Variants in IL3RA observed in about 807,000 individuals in gnomAD.
IL3RA encodes the protein interleukin 3 receptor subunit alpha.
Under a neutral mutation model 52.3 loss-of-function variants are expected in IL3RA, and 73 were observed. The observed-to-expected ratio is 1.40, with a 90% confidence interval of 1.16 to 1.70. The LOEUF is 1.70. IL3RA is among the 40% of genes most tolerant of loss of function. The pLI is 0.00. For synonymous variants in IL3RA, 260 were observed against 194.0 expected, an observed-to-expected ratio of 1.34 and a Z score of -2.83; for missense variants, 664 against 504.4, an observed-to-expected ratio of 1.32 and a Z score of -3.03.
intron 3 of IL3RA, 52 bp downstream of exon 3, chrX:1,345,486 T>C: frequency 8.2e-7 from 1 of 1,218,498 alleles, no homozygotes; most frequent in South Asian, 1.8e-5. Flanking sequence ...TATTTATGTA[T>C]TTATGTATTT....
At chrX:1,360,843 C>T (rs1334309384) in intron 8 of IL3RA, among the ~76,000 whole-genome samples, 1 of 151,696 alleles carries the variant, frequency 6.6e-6, no homozygotes, top group African/African-American at 2.4e-5. Context: ...CTTTATCTTT[C>T]TAGCTCTCTC....
At chrX:1,341,882 C>A in intron 2 of IL3RA, 53 bp downstream of exon 2, 1 of 1,571,744 alleles carries the variant, frequency 6.4e-7, no homozygotes, top group Non-Finnish European at 8.8e-7. Context: ...TGGGGGTAGA[C>A]AGACACACAA....
intron 1 of IL3RA, among the ~76,000 whole-genome samples, chrX:1,338,857 T>G (rs181607909): frequency 7.9e-5 from 12 of 152,186 alleles, no homozygotes; most frequent in Non-Finnish European, 1.3e-4. Flanking sequence ...TGGAGTGCAG[T>G]GGCGCGATCT....
chrX:1,357,453 C>A (rs766404468), intron 7 of IL3RA, among the ~76,000 whole-genome samples: 1 of 151,838 alleles, frequency 6.6e-6, no homozygotes, highest in Non-Finnish European at 1.5e-5. Context: ...CTCCGCCTCT[C>A]GGGTTCAACC....
chrX:1,341,953 AG>A (rs1427272221), intron 2 of IL3RA, 124 bp downstream of exon 2: 3 of 1,005,224 alleles, frequency 3.0e-6, no homozygotes, highest in Non-Finnish European at 4.7e-6. Flanking sequence ...AGTCTCATGC[AG>A]TGGTCGGGAA....
At chrX:1,340,254 T>C (rs1340684274) in intron 1 of IL3RA, among the ~76,000 whole-genome samples, 1 of 152,034 alleles carries the variant, frequency 6.6e-6, no homozygotes, top group African/African-American at 2.4e-5. Flanking sequence ...TAGCTGGGAT[T>C]ATAGGCACAC....
chrX:1,366,807 CGCGGGGTGA>C (rs1474309329), intron 9 of IL3RA, among the ~76,000 whole-genome samples: 2 of 10,900 alleles, frequency 1.8e-4, no homozygotes, highest in African/African-American at 6.8e-4. Context: ...GCGCGGGGTG[CGCGGGGTGA>C]GCGGGGTGCG....
intron 6 of IL3RA, among the ~76,000 whole-genome samples, chrX:1,353,878 C>T (rs1390332133): frequency 7.1e-6 from 1 of 141,148 alleles, no homozygotes; most frequent in African/African-American, 2.9e-5. Flanking sequence ...TCATAGGATC[C>T]CCTATCATGG....
intron 9 of IL3RA, 115 bp from the exon 10 acceptor site, chrX:1,378,544 C>T (rs1182249809): frequency 2.4e-5 from 21 of 863,184 alleles, no homozygotes; most frequent in Admixed American, 6.5e-5. Flanking sequence ...CCCCCCTGGA[C>T]GCCACCCCAT....
intron 1 of IL3RA, among the ~76,000 whole-genome samples, chrX:1,338,123 C>T (rs1384227402): frequency 1.4e-5 from 2 of 139,664 alleles, no homozygotes; most frequent in South Asian, 2.3e-4. Context: ...CTCATACCCC[C>T]ATCTATAGAT....
At chrX:1,344,656 C>T (rs193204075) in intron 2 of IL3RA, among the ~76,000 whole-genome samples, 2 of 150,870 alleles carry the variant, frequency 1.3e-5, no homozygotes, top group Admixed American at 6.7e-5. Context: ...TCCTGTAATC[C>T]TAGCTACTCG....
rs865878039 is a variant in IL3RA at position 1,345,004 on chromosome X, T to C, written c.65-312T>C. Among the ~76,000 whole-genome samples, 10 of 58,294 alleles carry C rather than the reference T, an allele frequency of 1.7e-4. No homozygotes were observed. The Admixed American group carries it at 2.0e-3, about 12-fold the overall frequency. The allele number at this position is 58,294 out of a possible 152,430, so 38.2% of individuals were successfully genotyped here. ...GGTGAAACGCCATCTCTACTAAAAA[T>C]ACAAAAAAAAAAAAATTAGCCGGGC... On this transcript the variant is annotated intron_variant, in intron 2 of 11. Transcript: ENST00000331035.
At chrX:1,348,920 T>C (rs542402065) in intron 4 of IL3RA, among the ~76,000 whole-genome samples, 145 of 146,530 alleles carry the variant, frequency 9.9e-4, no homozygotes, top group African/African-American at 3.5e-3. Flanking sequence ...CCTTCCTTCC[T>C]TCTCTCCCTC....
chrX:1,343,846 A>C (rs1392303087), intron 2 of IL3RA, among the ~76,000 whole-genome samples: 1 of 140,538 alleles, frequency 7.1e-6, no homozygotes, highest in East Asian at 2.2e-4. Flanking sequence ...CCCAGGCTGG[A>C]GTGCAGTGGC....
At chrX:1,343,357 A>G (rs1261255822) in intron 2 of IL3RA, among the ~76,000 whole-genome samples, 1 of 151,960 alleles carries the variant, frequency 6.6e-6, no homozygotes, top group Admixed American at 6.6e-5. Context: ...TGACCAGCAA[A>G]ATGTGATAGA....
intron 2 of IL3RA, among the ~76,000 whole-genome samples, chrX:1,343,047 C>T (rs2085557366): frequency 1.3e-5 from 2 of 151,676 alleles, no homozygotes; most frequent in African/African-American, 4.8e-5. Context: ...TGCACTCCAG[C>T]CTGGGCGACA....
At chrX:1,382,366 A>C in intron 11 of IL3RA, 25 bp from the exon 12 acceptor site, 2 of 1,605,222 alleles carry the variant, frequency 1.2e-6, no homozygotes. Flanking sequence ...TGGCCGACTC[A>C]CCCTGCCTCC....
chrX:1,345,372 T>TG lies in IL3RA; in HGVS notation c.124dup (p.Asp42GlyfsTer3), dbSNP rs770210833. 2 of 1,611,418 alleles carry TG rather than the reference T, an allele frequency of 1.2e-6. No homozygotes were observed. The highest frequency in any genetic ancestry group is 1.7e-6 in the Non-Finnish European group (2 of 1,178,348). On this transcript the variant is annotated frameshift_variant, in exon 3 of 12. Coordinates refer to ENST00000331035, the MANE Select transcript of IL3RA (RefSeq NM_002183.4). LOFTEE classifies it high-confidence loss of function. ...GAAAGCAAAGGCTCAGCAGTTGACCTGGGACCTTAACAGAAATGTGACCGA... is the reference window on the plus strand; with the variant it reads ...GAAAGCAAAGGCTCAGCAGTTGACCTGGGGACCTTAACAGAAATGTGACCGA...
At chrX:1,377,952 G>A (rs767076881) in intron 9 of IL3RA, among the ~76,000 whole-genome samples, 3 of 150,874 alleles carry the variant, frequency 2.0e-5, no homozygotes, top group Non-Finnish European at 3.0e-5. Context: ...TTGGGAGGCC[G>A]AGGCGGGTGG....
Sources: gnomAD v4.1 joint callset for allele counts (sites outside exome capture counted in the v4.1 genomes callset) on GRCh38, gnomAD v4.1.1 for gene constraint, MANE v1.5 for transcripts, NCBI Gene and HGNC (gene_info 2026-07-23, HGNC 2026-07-21) for gene names.